Variants in ASB17 observed in about 807,000 individuals in gnomAD.
ASB17 encodes the protein ankyrin repeat and SOCS box containing 17.
ASB17 carries 26 observed loss-of-function variants against 25.7 expected under a neutral mutation model. That is an observed-to-expected ratio of 1.01 (90% CI 0.74 to 1.40). ASB17 has a LOEUF of 1.40. ASB17 is among the 40% of genes most tolerant of loss of function. The pLI is 0.00. For missense variants in ASB17, 326 were observed against 338.5 expected, an observed-to-expected ratio of 0.96 and a Z score of 0.29; for synonymous variants, 128 against 121.4, an observed-to-expected ratio of 1.05 and a Z score of -0.36.
At chr1:75,931,225 C>T (rs144981081) in intron 1 of ASB17, among the ~76,000 whole-genome samples, 25 of 152,098 alleles carry the variant, frequency 1.6e-4, no homozygotes, top group East Asian at 1.5e-3. Context: ...ATATCTAAAA[C>T]GAAAGAATAA....
At chr1:75,928,453 T>C (rs1187150888) in intron 1 of ASB17, among the ~76,000 whole-genome samples, 1 of 152,192 alleles carries the variant, frequency 6.6e-6, no homozygotes, top group Admixed American at 6.5e-5. Flanking sequence ...TGAACAAACT[T>C]AAGTTTCTTC....
At chr1:75,923,489 G>A (rs1001214180) in intron 1 of ASB17, among the ~76,000 whole-genome samples, 3 of 152,124 alleles carry the variant, frequency 2.0e-5, no homozygotes, top group Admixed American at 6.6e-5. Context: ...CTTGACCACA[G>A]GAGATTTTCT....
intron 1 of ASB17, among the ~76,000 whole-genome samples, chr1:75,927,011 T>A: frequency 6.6e-6 from 1 of 152,176 alleles, no homozygotes; most frequent in East Asian, 1.9e-4. Context: ...CCAGTGTAAT[T>A]GCAAGAGTCC....
chr1:75,921,004 G>C (rs1653012080), intron 2 of ASB17, among the ~76,000 whole-genome samples: 1 of 152,186 alleles, frequency 6.6e-6, no homozygotes, highest in South Asian at 2.1e-4. Flanking sequence ...TCGATCTCCT[G>C]ACCTCGTGAT....
At chr1:75,924,023 G>A (rs551127643) in intron 1 of ASB17, among the ~76,000 whole-genome samples, 24 of 152,244 alleles carry the variant, frequency 1.6e-4, no homozygotes, top group African/African-American at 5.3e-4. Flanking sequence ...ATAGAAGCAT[G>A]CTCAGGGTAC....
At position 75,922,084 on chromosome 1, in the gene ASB17, AT is replaced by A; in HGVS notation, c.676del (p.Ile226Ter). ...TTTTTAAAGTAGTTTTCTTACCTTTATTTCCTTGACTGAAATGACAGAAAGC... is the reference window on the plus strand; with the variant it reads ...TTTTTAAAGTAGTTTTCTTACCTTTATTCCTTGACTGAAATGACAGAAAGC... ...RVLSVISVKE[I>X]KTQLSLGRHP... is the part of the protein sequence containing the mutation. On this transcript the variant is annotated frameshift_variant, in exon 2 of 3. Coordinates refer to ENST00000284142, the MANE Select transcript of ASB17 (RefSeq NM_080868.3). LOFTEE classifies it high-confidence loss of function. 4 of 1,601,738 alleles carry A rather than the reference AT, an allele frequency of 2.5e-6. No individual in the cohort carries two copies. The highest frequency in any genetic ancestry group is 3.4e-6 in the Non-Finnish European group (4 of 1,172,574).
intron 1 of ASB17, among the ~76,000 whole-genome samples, chr1:75,930,327 CATATAAATATAAATATATGTAA>C (rs1557545942): frequency 6.9e-6 from 1 of 144,570 alleles, no homozygotes; most frequent in African/African-American, 2.5e-5. Context: ...TATATAACTA[CATATAAATATAAATATATGTAA>C]ATATAAATAT....
At chr1:75,924,327 A>T (rs1312968146) in intron 1 of ASB17, among the ~76,000 whole-genome samples, 1 of 152,118 alleles carries the variant, frequency 6.6e-6, no homozygotes, top group Non-Finnish European at 1.5e-5. Flanking sequence ...CCCCTGCTGG[A>T]TCTTTGTTCA....
At chr1:75,919,782 A>T (rs977136515) in intron 2 of ASB17, among the ~76,000 whole-genome samples, 2 of 152,062 alleles carry the variant, frequency 1.3e-5, no homozygotes, top group African/African-American at 4.8e-5. Context: ...AATCCAGTCT[A>T]TCATTGTTGG....
intron 1 of ASB17, among the ~76,000 whole-genome samples, chr1:75,926,219 G>A (rs1653168820): frequency 6.6e-6 from 1 of 152,184 alleles, no homozygotes; most frequent in African/African-American, 2.4e-5. Context: ...TAACAACAAT[G>A]TAGGATGAAC....
At chr1:75,927,703 A>G (rs778763363) in intron 1 of ASB17, among the ~76,000 whole-genome samples, 2 of 151,844 alleles carry the variant, frequency 1.3e-5, no homozygotes, top group African/African-American at 2.4e-5. Flanking sequence ...CACATAGAAC[A>G]TTGTACTTGG....
chr1:75,928,593 TG>T (rs1305326279), intron 1 of ASB17, among the ~76,000 whole-genome samples: 1 of 152,192 alleles, frequency 6.6e-6, no homozygotes, highest in Non-Finnish European at 1.5e-5. Context: ...ATAGGAAATT[TG>T]GGGTATTCAT....
chr1:75,932,399 C>T lies in ASB17; in HGVS notation c.-108G>A. 1 of 1,003,614 alleles carries T rather than the reference C, an allele frequency of 1.0e-6. No homozygotes were observed. The highest frequency in any genetic ancestry group is 1.4e-6 in the Non-Finnish European group (1 of 690,946). The allele number at this position is 1,003,614 out of a possible 1,614,324, so 62.2% of individuals were successfully genotyped here. A position where few individuals can be genotyped will look rare whatever the true frequency, so the allele number is the denominator to read the frequency against. On this transcript the variant is annotated 5_prime_UTR_variant, in exon 1 of 3. Coordinates refer to ENST00000284142, the MANE Select transcript of ASB17 (RefSeq NM_080868.3). ...AGGCTTTACTCCACAAACAGAAGTG[C>T]CCTTTAAACTGTAACCAGAAAAAAT... is the stretch of plus-strand genomic sequence containing the variant.
intron 1 of ASB17, among the ~76,000 whole-genome samples, chr1:75,930,561 G>T (rs1478059243): frequency 6.6e-6 from 1 of 151,946 alleles, no homozygotes; most frequent in Non-Finnish European, 1.5e-5. Flanking sequence ...ATTCTGAGAG[G>T]TCTAAGTGAT....
At chr1:75,919,187 G>A in intron 2 of ASB17, 29 bp from the exon 3 acceptor site, 2 of 1,471,380 alleles carry the variant, frequency 1.4e-6, no homozygotes, top group South Asian at 2.4e-5. Context: ...TTTTACTTTT[G>A]TAATGTTTTG....
At chr1:75,923,322 C>T (rs1039267780) in intron 1 of ASB17, among the ~76,000 whole-genome samples, 1 of 152,012 alleles carries the variant, frequency 6.6e-6, no homozygotes, top group Non-Finnish European at 1.5e-5. Flanking sequence ...CTTGTTTTCC[C>T]TAGAGTGTCA....
rs762907763 is a variant in ASB17, at chr1:75,918,943, T to G, written c.*9A>C. On this transcript the variant is annotated 3_prime_UTR_variant, in exon 3 of 3. Coordinates refer to ENST00000284142, the MANE Select transcript of ASB17 (RefSeq NM_080868.3). The stretch of plus-strand genomic sequence containing the variant: ...AGCATTGTTAAGGAACTTAGGACAC[T>G]GACGTATGTTAGATTTCTAAATTCA... 3 of 1,598,770 alleles carry G rather than the reference T, an allele frequency of 1.9e-6. No homozygotes were observed. Among genetic ancestry groups the G allele is most frequent in the Non-Finnish European group, 2.6e-6 (3 of 1,166,328 alleles).
intron 2 of ASB17, among the ~76,000 whole-genome samples, 200 bp from the exon 3 acceptor site, chr1:75,919,358 T>C (rs1285712840): frequency 6.6e-6 from 1 of 152,150 alleles, no homozygotes; most frequent in Non-Finnish European, 1.5e-5. Flanking sequence ...TCAAATAATC[T>C]ATATGTCTAA....
chr1:75,923,876 T>G (rs1203264968), intron 1 of ASB17, among the ~76,000 whole-genome samples: 1 of 152,150 alleles, frequency 6.6e-6, no homozygotes, highest in African/African-American at 2.4e-5. Context: ...ATTACCTAAT[T>G]TATTTAATAC....
Sources: allele counts gnomAD v4.1 joint callset (sites outside exome capture counted in the v4.1 genomes callset), GRCh38; gene constraint gnomAD v4.1.1; transcripts MANE v1.5; gene names NCBI Gene and HGNC (gene_info 2026-07-23, HGNC 2026-07-21).